The following EPHA3 variants were observed in gnomAD, a reference collection of about 807,000 sequenced individuals.
The protein encoded by EPHA3 is ephrin type-A receptor 3.
In EPHA3, 42 loss-of-function variants were observed where a neutral mutation model predicts 107.1. That is an observed-to-expected ratio of 0.39 (90% CI 0.31 to 0.51). The LOEUF is 0.51. EPHA3 is among the 20% of genes least tolerant of loss of function. The pLI is 0.78. For synonymous variants in EPHA3, 461 were observed against 424.8 expected, an observed-to-expected ratio of 1.09 and a Z score of -1.05; for missense variants, 1,183 against 1,211.2, an observed-to-expected ratio of 0.98 and a Z score of 0.35.
intron 3 of EPHA3, among the ~76,000 whole-genome samples, chr3:89,306,109 G>A (rs943540474): frequency 5.3e-5 from 8 of 151,896 alleles, no homozygotes; most frequent in African/African-American, 1.2e-4. Context: ...TACATTCCAG[G>A]CACTGTTCTC....
chr3:89,381,491 G>A (rs534647599), intron 5 of EPHA3, among the ~76,000 whole-genome samples: 19 of 151,734 alleles, frequency 1.3e-4, no homozygotes, highest in Middle Eastern at 3.4e-3. Flanking sequence ...CCAATATGGC[G>A]AAACCCATCA....
At chr3:89,234,665 C>G (rs1704710396) in intron 3 of EPHA3, among the ~76,000 whole-genome samples, 1 of 151,542 alleles carries the variant, frequency 6.6e-6, no homozygotes, top group African/African-American at 2.4e-5. Flanking sequence ...TTTATTTCTT[C>G]CTTTCTTCCT....
chr3:89,107,939 T>A, intron 1 of EPHA3, 103 bp downstream of exon 1: 1 of 1,090,276 alleles, frequency 9.2e-7, no homozygotes, highest in Admixed American at 1.9e-5. Context: ...TGCCTCCGAA[T>A]AGAGCAGTTT....
chr3:89,140,265 A>G (rs1200352779), intron 2 of EPHA3, among the ~76,000 whole-genome samples: 1 of 151,908 alleles, frequency 6.6e-6, no homozygotes, highest in Non-Finnish European at 1.5e-5. Flanking sequence ...ACATAGTTTC[A>G]ATTTCTGTAT....
intron 3 of EPHA3, among the ~76,000 whole-genome samples, chr3:89,324,337 T>C (rs1047384761): frequency 1.3e-5 from 2 of 151,338 alleles, no homozygotes; most frequent in African/African-American, 4.9e-5. Context: ...CGTGCTATTT[T>C]TTTTTGTATT....
intron 13 of EPHA3, among the ~76,000 whole-genome samples, chr3:89,438,117 TG>T (rs1201797647): frequency 1.3e-5 from 2 of 152,128 alleles, no homozygotes; most frequent in East Asian, 3.9e-4. Flanking sequence ...TGTTTTGTTT[TG>T]TTTTTTTTGA....
chr3:89,260,481 C>A (rs139924323), intron 3 of EPHA3, among the ~76,000 whole-genome samples: 385 of 152,208 alleles, frequency 2.5e-3, no homozygotes, highest in African/African-American at 9.1e-3. Flanking sequence ...TTTATGTCTT[C>A]TTTGGAGATA....
chr3:89,156,996 T>C (rs1704821513), intron 2 of EPHA3, among the ~76,000 whole-genome samples: 1 of 152,024 alleles, frequency 6.6e-6, no homozygotes. Context: ...AGTGCACAAA[T>C]GAATCCGGAT....
chr3:89,192,336 C>CT (rs1705739422), intron 2 of EPHA3, among the ~76,000 whole-genome samples: 1 of 152,082 alleles, frequency 6.6e-6, no homozygotes. Flanking sequence ...AAATGATGTA[C>CT]TCTGAGCCTT....
intron 13 of EPHA3, among the ~76,000 whole-genome samples, chr3:89,434,473 C>T (rs1036200691): frequency 2.6e-5 from 4 of 152,178 alleles, no homozygotes; most frequent in African/African-American, 9.7e-5. Flanking sequence ...CTGCCTCAGC[C>T]TCTGAAAGTG....
intron 3 of EPHA3, among the ~76,000 whole-genome samples, chr3:89,319,086 C>A (rs1197980316): frequency 1.3e-5 from 2 of 151,902 alleles, no homozygotes; most frequent in African/African-American, 4.8e-5. Context: ...AATCTCCTTG[C>A]CAGTATCACT....
intron 11 of EPHA3, among the ~76,000 whole-genome samples, chr3:89,426,543 G>A (rs2107532514): frequency 6.6e-6 from 1 of 151,908 alleles, no homozygotes; most frequent in African/African-American, 2.4e-5. Context: ...TGTGATTTCT[G>A]AATGGTCATG....
intron 2 of EPHA3, among the ~76,000 whole-genome samples, chr3:89,171,884 T>C (rs1705217280): frequency 6.6e-6 from 1 of 152,172 alleles, no homozygotes; most frequent in African/African-American, 2.4e-5. Flanking sequence ...TTGATAACAT[T>C]AGCGGGTCAT....
intron 2 of EPHA3, among the ~76,000 whole-genome samples, chr3:89,195,592 G>A (rs759656388): frequency 3.9e-5 from 6 of 152,190 alleles, no homozygotes; most frequent in South Asian, 2.1e-4. Flanking sequence ...AATATCAATC[G>A]TTTGTCAAGT....
intron 3 of EPHA3, among the ~76,000 whole-genome samples, chr3:89,322,569 G>A (rs1268135171): frequency 6.6e-6 from 1 of 152,134 alleles, no homozygotes; most frequent in Non-Finnish European, 1.5e-5. Context: ...AGGACGAGAT[G>A]TAGAGGGAAG....
intron 3 of EPHA3, among the ~76,000 whole-genome samples, chr3:89,250,236 C>G (rs1705129225): frequency 6.6e-6 from 1 of 152,176 alleles, no homozygotes. Context: ...GAGCCACTTT[C>G]CTCTATTAGC....
chr3:89,300,668 T>C (rs9866945), intron 3 of EPHA3, among the ~76,000 whole-genome samples: 76,387 of 151,940 alleles, frequency 0.5, 20,272 homozygotes, highest in African/African-American at 0.67. Flanking sequence ...TTTCAGCCTT[T>C]GATGTCTGAC....
chr3:89,118,473 T>TAA (rs1707305838), intron 1 of EPHA3, among the ~76,000 whole-genome samples: 1 of 151,940 alleles, frequency 6.6e-6, no homozygotes, highest in Non-Finnish European at 1.5e-5. Context: ...GTAATATTCC[T>TAA]TTAAATTTTT....
chr3:89,203,711 A>G (rs373173955), intron 2 of EPHA3, among the ~76,000 whole-genome samples: 1 of 152,114 alleles, frequency 6.6e-6, no homozygotes, highest in East Asian at 1.9e-4. Flanking sequence ...TGGGAGGCGC[A>G]GCTTGCAGTG....
Sources: gnomAD v4.1 joint callset for allele counts (sites outside exome capture counted in the v4.1 genomes callset) on GRCh38, gnomAD v4.1.1 for gene constraint, MANE v1.5 for transcripts, NCBI Gene and HGNC (gene_info 2026-07-23, HGNC 2026-07-21) for gene names.